PTK2B: variants seen among roughly 807,000 people sequenced by gnomAD.
The protein encoded by PTK2B is protein tyrosine kinase 2 beta, also known as protein-tyrosine kinase 2-beta.
A neutral mutation model predicts 142.9 loss-of-function variants in PTK2B; 71 were observed. The ratio of observed to expected loss-of-function variants is 0.50; its 90% CI spans 0.41 to 0.61. The LOEUF is 0.61. Among genes scored for constraint, PTK2B ranks in the 20% least tolerant of loss-of-function variants. PTK2B has a pLI of 0.00. For synonymous variants in PTK2B, 519 were observed against 503.4 expected (o/e 1.03, Z -0.42); for missense variants, 1,105 against 1,320.4 (o/e 0.84, Z 2.53).
chr8:27,452,737 G>A (rs932313674), intron 27 of PTK2B: 4 of 247,448 alleles, frequency 1.6e-5, no homozygotes, highest in Admixed American at 1.1e-4. Flanking sequence ...TGTCTCCCCA[G>A]GTCAGGGGCA....
chr8:27,320,980 C>CT (rs776395346), upstream of PTK2B, among the ~76,000 whole-genome samples: 376 of 39,380 alleles, frequency 9.5e-3, 91 homozygotes, highest in East Asian at 0.11. Context: ...ATACAAAAGG[C>CT]TTTTTTTTTT....
chr8:27,437,732 A>G (rs372420454), intron 17 of PTK2B, 33 bp from the exon 18 acceptor site: 18 of 1,580,880 alleles, frequency 1.1e-5, no homozygotes, highest in African/African-American at 2.7e-5. Context: ...GGGACCAACC[A>G]GGGGTCTTGA....
intron 1 of PTK2B, among the ~76,000 whole-genome samples, chr8:27,374,891 A>G (rs1266854615): frequency 6.6e-6 from 1 of 152,054 alleles, no homozygotes; most frequent in Non-Finnish European, 1.5e-5. Flanking sequence ...AAAGCACTGC[A>G]CTATGTGATG....
chr8:27,435,159 G>T (rs1353318473), intron 13 of PTK2B, among the ~76,000 whole-genome samples: 1 of 152,212 alleles, frequency 6.6e-6, no homozygotes. Flanking sequence ...CAAGATCAAG[G>T]TGCTGGCTGA....
intron 1 of PTK2B, among the ~76,000 whole-genome samples, chr8:27,355,147 T>G (rs1805326216): frequency 6.6e-6 from 1 of 152,212 alleles, no homozygotes; most frequent in Non-Finnish European, 1.5e-5. Context: ...TGTGCTACCT[T>G]ACATGCCAAA....
At chr8:27,355,681 G>C (rs1805354524) in intron 1 of PTK2B, among the ~76,000 whole-genome samples, 1 of 152,120 alleles carries the variant, frequency 6.6e-6, no homozygotes, top group South Asian at 2.1e-4. Flanking sequence ...CTAGCTCTAG[G>C]CTTCTCTCCT....
At chr8:27,445,479 A>G (rs1362298501) in intron 23 of PTK2B, among the ~76,000 whole-genome samples, 1 of 152,156 alleles carries the variant, frequency 6.6e-6, no homozygotes, top group Non-Finnish European at 1.5e-5. Context: ...GTCAGTCTGT[A>G]ATGCAACTGA....
At chr8:27,387,796 C>G (rs997269398) in intron 1 of PTK2B, among the ~76,000 whole-genome samples, 19 of 150,722 alleles carry the variant, frequency 1.3e-4, no homozygotes, top group African/African-American at 4.1e-4. Context: ...CCACATCTTT[C>G]TCATCCTAGA....
intron 20 of PTK2B, 63 bp downstream of exon 20, chr8:27,439,461 G>A: frequency 2.0e-6 from 3 of 1,524,026 alleles, no homozygotes; most frequent in Non-Finnish European, 2.7e-6. Context: ...ACCAGGCTAA[G>A]GGGGTGGGTG....
chr8:27,380,570 T>C (rs965943277), intron 1 of PTK2B: 1 of 152,134 alleles, frequency 6.6e-6, no homozygotes, highest in Admixed American at 6.5e-5. Context: ...GCGCCTTTTT[T>C]CCCAATAAAG....
upstream of PTK2B, chr8:27,325,514 A>G (rs1803354494): frequency 6.6e-6 from 1 of 152,418 alleles, no homozygotes; most frequent in Non-Finnish European, 1.5e-5. Context: ...GGGTGTGGTT[A>G]ACAACTCAGA....
intron 1 of PTK2B, among the ~76,000 whole-genome samples, chr8:27,337,376 T>C (rs989459304): frequency 2.0e-5 from 3 of 152,168 alleles, no homozygotes; most frequent in Non-Finnish European, 2.9e-5. Context: ...GCTCAAGTGA[T>C]CCACCCGCGT....
At chr8:27,339,846 G>A (rs900574225) in intron 1 of PTK2B, among the ~76,000 whole-genome samples, 30 of 152,344 alleles carry the variant, frequency 2.0e-4, no homozygotes, top group African/African-American at 7.2e-4. Flanking sequence ...TTTCAGAGAA[G>A]CATTCAGATC....
At chr8:27,371,545 T>TATA (rs2130930906) in intron 1 of PTK2B, among the ~76,000 whole-genome samples, 1 of 147,486 alleles carries the variant, frequency 6.8e-6, no homozygotes, top group South Asian at 2.1e-4. Context: ...TTTTTATTAT[T>TATA]TATATATATA....
At position 27,430,032 on chromosome 8, in the gene PTK2B, C is replaced by T; in HGVS notation, c.552-61C>T. Reference sequence around the variant, plus strand: ...GGGGCTTCTGGTGGCATGAGGTGCCCTGGGTCTGACTGCCTCATTCTCCAG... The same window carrying T: ...GGGGCTTCTGGTGGCATGAGGTGCCTTGGGTCTGACTGCCTCATTCTCCAG... On this transcript the variant is annotated intron_variant, in intron 5 of 30. Transcript: ENST00000346049. The T allele has an allele frequency of 2.7e-6, 4 of 1,506,552 alleles. No individual in the cohort carries two copies. The Admixed American group carries it at 5.0e-5, about 19-fold the overall frequency. 93.3% of individuals were successfully genotyped at this position (1,506,552 alleles called of 1,614,324 possible).
At chr8:27,423,321 T>A (rs1809876802) in intron 5 of PTK2B, among the ~76,000 whole-genome samples, 1 of 152,094 alleles carries the variant, frequency 6.6e-6, no homozygotes, top group Non-Finnish European at 1.5e-5. Flanking sequence ...TCCCCTGCCT[T>A]TTCACCCTCT....
At chr8:27,343,499 G>A (rs754494769) in intron 1 of PTK2B, among the ~76,000 whole-genome samples, 4 of 152,178 alleles carry the variant, frequency 2.6e-5, no homozygotes, top group Non-Finnish European at 5.9e-5. Flanking sequence ...GAGTGTTCCA[G>A]ATAACTGTCT....
chr8:27,397,870 C>T, intron 2 of PTK2B, 82 bp downstream of exon 2: 2 of 529,880 alleles, frequency 3.8e-6, no homozygotes, highest in Non-Finnish European at 5.7e-6. Flanking sequence ...CCTGCAGCCT[C>T]GCAGCTCTCC....
intron 1 of PTK2B, among the ~76,000 whole-genome samples, chr8:27,347,809 C>T (rs1374776636): frequency 6.6e-6 from 1 of 152,256 alleles, no homozygotes. Flanking sequence ...GCCAAGCTGA[C>T]TTTACCTAGT....
Sources: allele counts gnomAD v4.1 joint callset (sites outside exome capture counted in the v4.1 genomes callset), GRCh38; gene constraint gnomAD v4.1.1; transcripts MANE v1.5; gene names NCBI Gene and HGNC (gene_info 2026-07-23, HGNC 2026-07-21).